Variants in SHISA9 observed in about 807,000 individuals in gnomAD.
SHISA9 encodes the protein shisa family member 9.
Under a neutral mutation model 38.0 loss-of-function variants are expected in SHISA9, and 13 were observed. That is an observed-to-expected ratio of 0.34 (90% CI 0.22 to 0.54). The LOEUF (loss-of-function observed/expected upper bound fraction) is 0.54. SHISA9 is among the 20% of genes least tolerant of loss of function. The pLI is 0.91. For missense variants in SHISA9, 538 were observed against 575.8 expected (o/e 0.93, Z 0.67); for synonymous variants, 275 against 242.0 (o/e 1.14, Z -1.27).
At chr16:13,248,451 G>T in the SHISA9 span, among the ~76,000 whole-genome samples, 1 of 152,136 alleles carries the variant, frequency 6.6e-6, no homozygotes. Flanking sequence ...GGCACTGCAT[G>T]CAGAGAGAAA....
intron 2 of SHISA9, among the ~76,000 whole-genome samples, chr16:13,145,335 G>A (rs1298342619): frequency 1.3e-5 from 2 of 152,266 alleles, no homozygotes; most frequent in East Asian, 3.9e-4. Flanking sequence ...GATCAGCCTG[G>A]TCAACATGGC....
intron 2 of SHISA9, among the ~76,000 whole-genome samples, chr16:13,004,346 G>T (rs1165786094): frequency 6.6e-6 from 1 of 152,228 alleles, no homozygotes; most frequent in African/African-American, 2.4e-5. Flanking sequence ...AGATCAGTGT[G>T]TTAAATATCT....
At chr16:13,423,606 C>T in the SHISA9 span, among the ~76,000 whole-genome samples, 2 of 152,118 alleles carry the variant, frequency 1.3e-5, no homozygotes, top group Non-Finnish European at 2.9e-5. Flanking sequence ...AACAAATTAT[C>T]GTACATTTTG....
the SHISA9 span, among the ~76,000 whole-genome samples, chr16:13,413,331 A>T: frequency 6.6e-6 from 1 of 152,186 alleles, no homozygotes; most frequent in African/African-American, 2.4e-5. Context: ...TATCTTTTGT[A>T]AGATAAGCAG....
intron 2 of SHISA9, among the ~76,000 whole-genome samples, chr16:13,156,521 T>C (rs2050548521): frequency 6.6e-6 from 1 of 151,858 alleles, no homozygotes; most frequent in Admixed American, 6.6e-5. Flanking sequence ...GATCACAAGG[T>C]CGGGAGATCG....
At chr16:13,198,210 A>G (rs992583194) in intron 2 of SHISA9, among the ~76,000 whole-genome samples, 1 of 148,048 alleles carries the variant, frequency 6.8e-6, no homozygotes, top group African/African-American at 2.5e-5. Context: ...ATATGTGTGT[A>G]TATGCATACA....
At chr16:13,370,862 AAAT>A in the SHISA9 span, among the ~76,000 whole-genome samples, 1 of 152,168 alleles carries the variant, frequency 6.6e-6, no homozygotes, top group Non-Finnish European at 1.5e-5. Flanking sequence ...CAAGTAATAG[AAAT>A]AATAATAATA....
the SHISA9 span, among the ~76,000 whole-genome samples, chr16:13,388,064 G>T: frequency 6.6e-6 from 1 of 152,106 alleles, no homozygotes; most frequent in Non-Finnish European, 1.5e-5. Flanking sequence ...AGTAGTACCT[G>T]AGACAGCCCA....
At chr16:13,140,147 TCCCCTCCCCTC>T (rs2050388782) in intron 2 of SHISA9, among the ~76,000 whole-genome samples, 1 of 20,938 alleles carries the variant, frequency 4.8e-5, no homozygotes. Context: ...TTCCCTCCCC[TCCCCTCCCCTC>T]CCCTCCCCTC....
At chr16:13,451,792 A>G in the SHISA9 span, among the ~76,000 whole-genome samples, 1 of 152,260 alleles carries the variant, frequency 6.6e-6, no homozygotes, top group African/African-American at 2.4e-5. Flanking sequence ...GGACATGTCA[A>G]GAAGTTTGGA....
the SHISA9 span, among the ~76,000 whole-genome samples, chr16:13,442,702 T>C: frequency 6.6e-6 from 1 of 152,078 alleles, no homozygotes; most frequent in African/African-American, 2.4e-5. Context: ...GCCTATAATC[T>C]CAGCATTTCA....
the SHISA9 span, among the ~76,000 whole-genome samples, chr16:13,324,425 T>C: frequency 6.6e-6 from 1 of 152,102 alleles, no homozygotes; most frequent in African/African-American, 2.4e-5. Flanking sequence ...CACTTTCTGA[T>C]TGGCAACCAC....
the SHISA9 span, among the ~76,000 whole-genome samples, chr16:13,432,289 C>G: frequency 6.6e-6 from 1 of 152,128 alleles, no homozygotes; most frequent in Non-Finnish European, 1.5e-5. Context: ...GCATAGATGC[C>G]TGTTCCCCAG....
the SHISA9 span, among the ~76,000 whole-genome samples, chr16:13,513,143 A>C: frequency 6.6e-6 from 1 of 152,264 alleles, no homozygotes; most frequent in Non-Finnish European, 1.5e-5. Context: ...ATCTACAAGG[A>C]ACTTAAACGA....
intron 2 of SHISA9, among the ~76,000 whole-genome samples, chr16:13,049,156 ATGTGTGTGTGTGTG>A (rs10526925): frequency 0.072 from 4,570 of 63,868 alleles, 117 homozygotes; most frequent in South Asian, 0.2. Context: ...GGTTAGGAGT[ATGTGTGTGTGTGTG>A]TGTGTGTGTG....
At chr16:13,173,241 A>G (rs559132186) in intron 2 of SHISA9, among the ~76,000 whole-genome samples, 25 of 151,608 alleles carry the variant, frequency 1.6e-4, no homozygotes, top group African/African-American at 6.1e-4. Flanking sequence ...TTAACACCTT[A>G]GCGTTAACAA....
At chr16:13,309,652 A>G in the SHISA9 span, among the ~76,000 whole-genome samples, 1 of 151,628 alleles carries the variant, frequency 6.6e-6, no homozygotes, top group South Asian at 2.1e-4. Context: ...CAAAAAAAAA[A>G]AAAAAAAAAG....
At chr16:13,301,411 G>A in the SHISA9 span, among the ~76,000 whole-genome samples, 1 of 152,194 alleles carries the variant, frequency 6.6e-6, no homozygotes, top group Non-Finnish European at 1.5e-5. Context: ...ACATAATGCT[G>A]CTGTTGCTGG....
At chr16:13,354,455 A>G in the SHISA9 span, among the ~76,000 whole-genome samples, 5 of 151,666 alleles carry the variant, frequency 3.3e-5, no homozygotes, top group Admixed American at 1.3e-4. Flanking sequence ...GTGGGATTGA[A>G]GTCTGGGCCA....
Sources: gnomAD v4.1 joint callset for allele counts (sites outside exome capture counted in the v4.1 genomes callset) on GRCh38, gnomAD v4.1.1 for gene constraint, MANE v1.5 for transcripts, NCBI Gene and HGNC (gene_info 2026-07-23, HGNC 2026-07-21) for gene names.